BBS9: variants seen among roughly 807,000 people sequenced by gnomAD.
BBS9 encodes Bardet-Biedl syndrome 9, also known as protein PTHB1.
In BBS9, 89 loss-of-function variants were observed where a neutral mutation model predicts 117.7. The observed-to-expected ratio is 0.76, with a 90% CI of 0.64 to 0.90. The LOEUF is 0.90. Among genes scored for constraint, BBS9 ranks in the 40% least tolerant of loss-of-function variants. The pLI, the probability that BBS9 is intolerant of heterozygous loss-of-function variation, is 0.00. For synonymous variants in BBS9, 379 were observed against 370.9 expected (o/e 1.02, Z -0.25); for missense variants, 982 against 1,042.2 (o/e 0.94, Z 0.80).
At chr7:33,486,406 T>C (rs1467757565) in intron 19 of BBS9, among the ~76,000 whole-genome samples, 1 of 152,174 alleles carries the variant, frequency 6.6e-6, no homozygotes, top group Non-Finnish European at 1.5e-5. Flanking sequence ...CAGTTGTGCT[T>C]CTGAGAAAAA....
At chr7:33,241,529 T>C (rs1349022033) in intron 5 of BBS9, among the ~76,000 whole-genome samples, 1 of 152,194 alleles carries the variant, frequency 6.6e-6, no homozygotes, top group Non-Finnish European at 1.5e-5. Context: ...TTTTCTCTAT[T>C]ATGTACCTGT....
intron 5 of BBS9, among the ~76,000 whole-genome samples, chr7:33,218,318 CTTTACCAT>C (rs1424978028): frequency 6.6e-6 from 1 of 152,192 alleles, no homozygotes; most frequent in Non-Finnish European, 1.5e-5. Context: ...TGAGTCCTTG[CTTTACCAT>C]TTACTGACTT....
At chr7:33,230,791 A>G (rs932045629) in intron 5 of BBS9, among the ~76,000 whole-genome samples, 3 of 152,224 alleles carry the variant, frequency 2.0e-5, no homozygotes, top group African/African-American at 7.2e-5. Flanking sequence ...TGATGTATAT[A>G]TAGCACATTT....
intron 5 of BBS9, among the ~76,000 whole-genome samples, chr7:33,241,115 T>A (rs1794444804): frequency 6.6e-6 from 1 of 151,958 alleles, no homozygotes; most frequent in Admixed American, 6.6e-5. Context: ...CAAGTCAAGA[T>A]CTCGAAGTTG....
intron 21 of BBS9, among the ~76,000 whole-genome samples, chr7:33,563,350 T>C (rs112963581): frequency 2.0e-5 from 3 of 151,634 alleles, no homozygotes; most frequent in Non-Finnish European, 4.4e-5. Context: ...TTAGTAACAG[T>C]TGTTTTGTTT....
intron 14 of BBS9, chr7:33,351,561 T>A: frequency 2.0e-6 from 1 of 499,158 alleles, no homozygotes; most frequent in Non-Finnish European, 3.6e-6. Context: ...ATAGCAAATC[T>A]GATACATTTT....
intron 7 of BBS9, 74 bp downstream of exon 7, chr7:33,264,448 C>T: frequency 2.2e-6 from 2 of 891,334 alleles, no homozygotes; most frequent in Non-Finnish European, 3.4e-6. Flanking sequence ...AATAATAATT[C>T]ATGGGAAGAA....
intron 19 of BBS9, among the ~76,000 whole-genome samples, chr7:33,424,348 A>G (rs935634149): frequency 1.3e-5 from 2 of 152,202 alleles, no homozygotes; most frequent in Non-Finnish European, 2.9e-5. Context: ...TATACATTTG[A>G]CACTTTAGTA....
chr7:33,503,544 C>CTTT (rs1563267659), intron 19 of BBS9, among the ~76,000 whole-genome samples: 4 of 151,612 alleles, frequency 2.6e-5, no homozygotes, highest in Non-Finnish European at 5.9e-5. Flanking sequence ...GACTGATTTT[C>CTTT]CTATTACAAA....
intron 10 of BBS9, among the ~76,000 whole-genome samples, chr7:33,337,123 G>A (rs1363505056): frequency 3.3e-5 from 5 of 152,012 alleles, no homozygotes; most frequent in East Asian, 1.9e-4. Flanking sequence ...TGTAGCTTGC[G>A]GTATGCTGAT....
At chr7:33,612,030 A>C (rs1317711787) in intron 21 of BBS9, among the ~76,000 whole-genome samples, 4 of 151,394 alleles carry the variant, frequency 2.6e-5, no homozygotes, top group Non-Finnish European at 5.9e-5. Context: ...GCACTGGCTC[A>C]TGTCATCTCT....
intron 4 of BBS9, among the ~76,000 whole-genome samples, chr7:33,170,158 AT>A (rs931458378): frequency 6.6e-6 from 1 of 151,628 alleles, no homozygotes; most frequent in African/African-American, 2.4e-5. Context: ...AAAAAAGAGA[AT>A]TTTAGACCAA....
intron 1 of BBS9, among the ~76,000 whole-genome samples, chr7:33,142,588 C>T (rs924627949): frequency 6.6e-6 from 1 of 152,168 alleles, no homozygotes; most frequent in Non-Finnish European, 1.5e-5. Flanking sequence ...TACCTATTAA[C>T]AGTTCTCCTT....
At chr7:33,230,878 C>G (rs929006442) in intron 5 of BBS9, among the ~76,000 whole-genome samples, 1 of 152,150 alleles carries the variant, frequency 6.6e-6, no homozygotes, top group Non-Finnish European at 1.5e-5. Context: ...CTGCAATAAA[C>G]ATATGCATGC....
chr7:33,569,994 G>C (rs1857530436), intron 21 of BBS9, among the ~76,000 whole-genome samples: 2 of 152,110 alleles, frequency 1.3e-5, no homozygotes, highest in Admixed American at 6.5e-5. Flanking sequence ...GGTAATACAT[G>C]CTTATCTTAA....
At chr7:33,514,921 A>G (rs989189669) in intron 20 of BBS9, among the ~76,000 whole-genome samples, 2 of 152,212 alleles carry the variant, frequency 1.3e-5, no homozygotes, top group Admixed American at 6.5e-5. Flanking sequence ...TACTTTTCAA[A>G]GGTGTGCATG....
intron 9 of BBS9, among the ~76,000 whole-genome samples, chr7:33,293,006 A>C (rs1584141727): frequency 1.4e-5 from 1 of 71,766 alleles, no homozygotes; most frequent in African/African-American, 4.7e-5. Flanking sequence ...ACTCCGTCTC[A>C]AAAAAAAAAA....
At chr7:33,180,398 G>A (rs943463455) in intron 5 of BBS9, among the ~76,000 whole-genome samples, 2 of 144,368 alleles carry the variant, frequency 1.4e-5, no homozygotes, top group African/African-American at 5.2e-5. Flanking sequence ...GTCTCGCTCT[G>A]TCATCAGGCT....
At chr7:33,608,094 G>A (rs1332249325), downstream of BBS9, among the ~76,000 whole-genome samples, 1 of 151,904 alleles carries the variant, frequency 6.6e-6, no homozygotes, top group African/African-American at 2.4e-5. Flanking sequence ...TTATCTTCAA[G>A]TCCATGAGTA....
Sources: allele counts gnomAD v4.1 joint callset (sites outside exome capture counted in the v4.1 genomes callset), GRCh38; gene constraint gnomAD v4.1.1; transcripts MANE v1.5; gene names NCBI Gene and HGNC (gene_info 2026-07-23, HGNC 2026-07-21).